The following TLE2 variants were observed in gnomAD, a reference collection of about 807,000 sequenced individuals.
TLE2 encodes the protein TLE family member 2, transcriptional corepressor.
A neutral mutation model predicts 97.2 loss-of-function variants in TLE2; 74 were observed. That is an observed-to-expected ratio of 0.76 (90% confidence interval 0.63 to 0.92). The LOEUF (loss-of-function observed/expected upper bound fraction) is 0.92, where lower values mean the gene tolerates loss of function less well. Ranked by LOEUF, TLE2 falls within the 40% of genes least tolerant of loss-of-function variation. The pLI, the probability that TLE2 is intolerant of heterozygous loss-of-function variation, is 0.00. For synonymous variants in TLE2, 499 were observed against 432.1 expected (o/e 1.15, Z -1.92); for missense variants, 1,038 against 1,008.7 (o/e 1.03, Z -0.39).
At chr19:3,041,014 T>TATATATATATGTATATATATA (rs55998855) in intron 1 of TLE2, among the ~76,000 whole-genome samples, 3 of 20,164 alleles carry the variant, frequency 1.5e-4, no homozygotes, top group African/African-American at 2.1e-4. Context: ...TATATATATA[T>TATATATATATGTATATATATA]TTTTTTTTTT....
intron 15 of TLE2, 49 bp from the exon 16 acceptor site, chr19:3,006,017 T>C (rs2089467397): frequency 6.2e-7 from 1 of 1,601,428 alleles, no homozygotes; most frequent in African/African-American, 1.3e-5. Context: ...CCAGGTGAGG[T>C]CTCTAGGAGC....
At chr19:3,026,200 A>G (rs1599242624) in intron 4 of TLE2, among the ~76,000 whole-genome samples, 1 of 152,086 alleles carries the variant, frequency 6.6e-6, no homozygotes, top group South Asian at 2.1e-4. Context: ...TAATCCCAGC[A>G]CTTTGGGAGG....
intron 19 of TLE2, among the ~76,000 whole-genome samples, chr19:3,000,166 G>C (rs941188936): frequency 4.0e-5 from 6 of 151,406 alleles, no homozygotes; most frequent in Non-Finnish European, 7.4e-5. Context: ...CCACCTCCTG[G>C]GTTCATGCCA....
intron 1 of TLE2, among the ~76,000 whole-genome samples, chr19:3,040,265 C>T (rs2090090377): frequency 6.6e-6 from 1 of 152,340 alleles, no homozygotes; most frequent in Non-Finnish European, 1.5e-5. Context: ...CCAGCCTGGT[C>T]CCCCTGGAAG....
chr19:3,021,144 C>T (rs8106924), intron 5 of TLE2, among the ~76,000 whole-genome samples: 1 of 103,270 alleles, frequency 9.7e-6, no homozygotes, highest in Admixed American at 1.1e-4. Flanking sequence ...TGGTGACTCA[C>T]ACCTGTAATC....
At chr19:3,032,918 CCA>C (rs1379927308), upstream of TLE2, among the ~76,000 whole-genome samples, 1 of 150,720 alleles carries the variant, frequency 6.6e-6, no homozygotes, top group Non-Finnish European at 1.5e-5. This position sits in a 1 kb window ranked among gnomAD's most constrained non-coding sequence, Gnocchi z 4.1. Context: ...ACTGTCCACC[CCA>C]CATCTTCCTT....
At position 3,006,113 on chromosome 19, in the gene TLE2, C is replaced by T. The variant is rs368808722; in HGVS notation, c.1501-145G>A. 1.2e-4 allele frequency: 128 copies of T among 1,086,520 alleles called. No individual in the cohort carries two copies. The African/African-American group carries it at 1.7e-3, about 14-fold the overall frequency. 67.3% of individuals were successfully genotyped at this position (1,086,520 alleles called of 1,614,324 possible). A position where few individuals can be genotyped will look rare whatever the true frequency, so the allele number is the denominator to read the frequency against. On this transcript the variant is annotated intron_variant, in intron 15 of 19. Transcript: ENST00000262953. ...CCTACCCTGATTGGCTGGTGAGCCC[C>T]GCCCCTTTGACCTGCAAACACTGCC...
intron 12 of TLE2, among the ~76,000 whole-genome samples, chr19:3,010,673 A>G (rs2089575692): frequency 6.6e-6 from 1 of 152,142 alleles, no homozygotes; most frequent in Non-Finnish European, 1.5e-5. Flanking sequence ...GGGGAAACTG[A>G]GGCTCAGAGA....
chr19:3,011,731 T>C (rs1335749967), intron 11 of TLE2, among the ~76,000 whole-genome samples: 1 of 151,550 alleles, frequency 6.6e-6, no homozygotes. Flanking sequence ...ATGCCTGTAA[T>C]TCCAGCTACT....
chr19:3,038,174 T>C (rs2090075199), intron 1 of TLE2, among the ~76,000 whole-genome samples: 1 of 152,120 alleles, frequency 6.6e-6, no homozygotes, highest in South Asian at 2.1e-4. Context: ...AAATGCTCCA[T>C]AAAGGGTAGC....
chr19:3,026,446 C>T (rs1599243043), intron 4 of TLE2, among the ~76,000 whole-genome samples: 1 of 122,390 alleles, frequency 8.2e-6, no homozygotes, highest in Admixed American at 8.7e-5. Flanking sequence ...GAAACTTTGT[C>T]TCAAAATTTA....
intron 14 of TLE2, among the ~76,000 whole-genome samples, chr19:3,008,365 G>A (rs540716800): frequency 5.9e-5 from 9 of 152,230 alleles, no homozygotes; most frequent in South Asian, 4.1e-4. Flanking sequence ...CCCCGACATC[G>A]CCCAGTGTCC....
At chr19:3,021,306 G>A (rs1294866093) in intron 5 of TLE2, among the ~76,000 whole-genome samples, 1 of 151,398 alleles carries the variant, frequency 6.6e-6, no homozygotes, top group Non-Finnish European at 1.5e-5. Flanking sequence ...TCGGGAGGCT[G>A]GGGCAGGAGA....
chr19:3,041,013 A>ATATATATATTATTTTT (rs1555695656), intron 1 of TLE2, among the ~76,000 whole-genome samples: 1 of 28,968 alleles, frequency 3.5e-5, no homozygotes. Flanking sequence ...ATATATATAT[A>ATATATATATTATTTTT]TTTTTTTTTT....
At chr19:3,007,739 G>C (rs1215217007) in intron 14 of TLE2, among the ~76,000 whole-genome samples, 1 of 152,148 alleles carries the variant, frequency 6.6e-6, no homozygotes, top group Non-Finnish European at 1.5e-5. Flanking sequence ...GTCTGTCCTA[G>C]GAGCCCCGGC....
intron 2 of TLE2, 120 bp from the exon 3 acceptor site, chr19:3,028,502 A>G: frequency 6.1e-6 from 6 of 989,666 alleles, no homozygotes; most frequent in Non-Finnish European, 8.4e-6. Flanking sequence ...CTCCTGTCCC[A>G]GTCCCTCCCC....
chr19:3,006,174 C>T, intron 15 of TLE2: 1 of 947,168 alleles, frequency 1.1e-6, no homozygotes, highest in Non-Finnish European at 1.7e-6. Flanking sequence ...TACCTATAAG[C>T]CCCACCCATG....
intron 4 of TLE2, chr19:3,025,335 ACAGATACACCACCCGC>A: frequency 1.6e-6 from 2 of 1,265,858 alleles, no homozygotes; most frequent in Middle Eastern, 3.0e-4. Context: ...CCTACGAGTC[ACAGATACACCACCCGC>A]CAGACGCACA....
At chr19:3,014,905 C>T (rs1383154861) in intron 9 of TLE2, among the ~76,000 whole-genome samples, 7 of 152,056 alleles carry the variant, frequency 4.6e-5, no homozygotes, top group Admixed American at 1.3e-4. Flanking sequence ...CAGTTTACCC[C>T]TCTGCATGGT....
Sources: allele counts gnomAD v4.1 joint callset (sites outside exome capture counted in the v4.1 genomes callset), GRCh38; gene constraint gnomAD v4.1.1; non-coding constraint Gnocchi (gnomAD v3.1); transcripts MANE v1.5; gene names NCBI Gene and HGNC (gene_info 2026-07-23, HGNC 2026-07-21).